Variants in IQGAP1 observed in about 807,000 individuals in gnomAD.
IQGAP1 encodes ras GTPase-activating-like protein IQGAP1.
A neutral mutation model predicts 215.6 loss-of-function variants in IQGAP1; 66 were observed. The observed-to-expected ratio is 0.31, with a 90% CI of 0.25 to 0.38. The LOEUF (loss-of-function observed/expected upper bound fraction) is 0.38. IQGAP1 is among the 10% of genes least tolerant of loss of function. The pLI, the probability that IQGAP1 is intolerant of heterozygous loss-of-function variation, is 1.00. For missense variants in IQGAP1, 1,712 were observed against 1,997.1 expected, an observed-to-expected ratio of 0.86 and a Z score of 2.72; for synonymous variants, 772 against 728.7, an observed-to-expected ratio of 1.06 and a Z score of -0.96.
intron 2 of IQGAP1, among the ~76,000 whole-genome samples, chr15:90,425,522 T>A (rs1965209600): frequency 6.6e-6 from 1 of 152,174 alleles, no homozygotes; most frequent in Non-Finnish European, 1.5e-5. Context: ...AGTTTTCTTT[T>A]CCTATCCTTT....
chr15:90,474,866 G>A (rs917719797), intron 23 of IQGAP1, 173 bp downstream of exon 23: 10 of 593,634 alleles, frequency 1.7e-5, no homozygotes, highest in Admixed American at 2.9e-5. Context: ...AGGTTGTAGT[G>A]CGATGTGATC....
chr15:90,430,574 A>G (rs1295111082), intron 4 of IQGAP1, among the ~76,000 whole-genome samples: 1 of 152,168 alleles, frequency 6.6e-6, no homozygotes, highest in African/African-American at 2.4e-5. Flanking sequence ...TAAGTGGGGA[A>G]AAACGGTTGA....
intron 1 of IQGAP1, 71 bp from the exon 2 acceptor site, chr15:90,390,703 T>C: frequency 9.6e-7 from 1 of 1,039,140 alleles, no homozygotes; most frequent in Non-Finnish European, 1.5e-6. Flanking sequence ...GGAAATTGAT[T>C]CTGTGGCAAT....
chr15:90,493,239 G>GAA (rs4031436), intron 35 of IQGAP1, among the ~76,000 whole-genome samples: 3,296 of 144,894 alleles, frequency 0.023, 96 homozygotes, highest in East Asian at 0.11. Context: ...CAAGACTCTG[G>GAA]AAAAAAAAAA....
chr15:90,439,202 C>A (rs1347994501), intron 5 of IQGAP1, 130 bp from the exon 6 acceptor site: 2 of 492,576 alleles, frequency 4.1e-6, no homozygotes, highest in Non-Finnish European at 7.3e-6. Context: ...ACAAAGGAGA[C>A]TGTCGTAGGT....
At chr15:90,418,495 G>C (rs1227932274) in intron 2 of IQGAP1, among the ~76,000 whole-genome samples, 8 of 152,040 alleles carry the variant, frequency 5.3e-5, no homozygotes, top group Non-Finnish European at 1.2e-4. Flanking sequence ...GGCTGAGGTG[G>C]GAGCATCACT....
At chr15:90,406,637 G>A (rs547049453) in intron 2 of IQGAP1, among the ~76,000 whole-genome samples, 6 of 152,310 alleles carry the variant, frequency 3.9e-5, no homozygotes, top group Admixed American at 6.5e-5. Flanking sequence ...CACTTTTAGG[G>A]CATGTTATTT....
At chr15:90,389,913 CCACTG>C (rs1416891956) in intron 1 of IQGAP1, among the ~76,000 whole-genome samples, 3 of 149,986 alleles carry the variant, frequency 2.0e-5, no homozygotes, top group Middle Eastern at 3.2e-3. Flanking sequence ...CATGATTGTG[CCACTG>C]CACTCGAGCC....
intron 2 of IQGAP1, among the ~76,000 whole-genome samples, chr15:90,403,413 T>A (rs1964831619): frequency 6.6e-6 from 1 of 152,226 alleles, no homozygotes; most frequent in African/African-American, 2.4e-5. Context: ...GGTCTTAATT[T>A]AAAATTTTTA....
intron 2 of IQGAP1, among the ~76,000 whole-genome samples, chr15:90,421,541 G>A (rs568486012): frequency 6.6e-6 from 1 of 152,032 alleles, no homozygotes; most frequent in African/African-American, 2.4e-5. Context: ...AGGAGTCTCT[G>A]TTGATTGAAA....
At position 90,453,115 on chromosome 15, in the gene IQGAP1, T is replaced by C; in HGVS notation, c.1327-17T>C. On this transcript the variant is annotated splice_polypyrimidine_tract_variant and intron_variant, in intron 12 of 37. Transcript: ENST00000268182. ...TGTCTTTCCTCACTGTTTTCCCTTC[T>C]GTCCCTTTCTGTACAGCATAATCTC... is the stretch of plus-strand genomic sequence containing the variant. The C allele has an allele frequency of 6.3e-7, 1 of 1,594,204 alleles. No individual in the cohort carries two copies.
At chr15:90,487,386 G>C (rs982969602) in intron 32 of IQGAP1, 109 bp from the exon 33 acceptor site, 6 of 790,402 alleles carry the variant, frequency 7.6e-6, no homozygotes, top group Non-Finnish European at 1.3e-5. Context: ...CTGCCGCTTG[G>C]GACTTCTGTG....
chr15:90,414,642 C>T (rs1485563142), intron 2 of IQGAP1, among the ~76,000 whole-genome samples: 1 of 152,166 alleles, frequency 6.6e-6, no homozygotes, highest in African/African-American at 2.4e-5. Flanking sequence ...TCTTTCACCT[C>T]TTAAGTGTTG....
chr15:90,467,721 T>G (rs1432870351), intron 18 of IQGAP1, 129 bp downstream of exon 18: 20 of 888,380 alleles, frequency 2.3e-5, no homozygotes, highest in Admixed American at 3.3e-5. Flanking sequence ...ATGAGCTGTT[T>G]TGCGGTAATT....
Position 90,456,219 on chromosome 15 carries a change from C to T in IQGAP1, c.1680C>T (p.Ala560=). The T allele has an allele frequency of 6.2e-7, 1 of 1,613,882 alleles. No individual in the cohort carries two copies. The highest frequency in any genetic ancestry group is 1.1e-5 in the South Asian group (1 of 91,076). ...DEGDAQKTLQ[A]LQIPAAKLEG... ...GTGATGCCCAAAAGACTCTGCAGGCCCTACAGATTCCTGCAGCTAAACTTG... is the reference window on the plus strand; with the variant it reads ...GTGATGCCCAAAAGACTCTGCAGGCTCTACAGATTCCTGCAGCTAAACTTG... The change falls in exon 15 of 38, where the codon GCC becomes GCT. Residue 560 remains alanine (A), a synonymous_variant. Transcript: ENST00000268182.
intron 5 of IQGAP1, among the ~76,000 whole-genome samples, chr15:90,436,870 C>T (rs1965377609): frequency 6.6e-6 from 1 of 152,216 alleles, no homozygotes; most frequent in African/African-American, 2.4e-5. Context: ...GTGCCCATGT[C>T]TACTTTTTAT....
rs559089414 is a variant in IQGAP1, at chr15:90,462,836, A to G, written c.1777-3165A>G. 4.6e-5 allele frequency among the ~76,000 whole-genome samples: 7 copies of G among 152,150 alleles called. No homozygotes were observed. In the East Asian group the frequency reaches 1.4e-3, roughly 29 times the overall value. ...CAATCAGCGTGTTTCTAAGTGTCAG[A>G]GTTGTTAGGGAGCTGTGCTTGAATA... On this transcript the variant is annotated intron_variant, in intron 15 of 37. Coordinates refer to ENST00000268182, the MANE Select transcript of IQGAP1 (RefSeq NM_003870.4).
At chr15:90,395,986 A>G (rs1041837240) in intron 2 of IQGAP1, among the ~76,000 whole-genome samples, 4 of 152,184 alleles carry the variant, frequency 2.6e-5, no homozygotes, top group East Asian at 3.9e-4. Flanking sequence ...CTCAAGGAAT[A>G]GGGCACACCC....
At chr15:90,429,889 A>C (rs1193735904) in intron 4 of IQGAP1, 1 of 347,786 alleles carries the variant, frequency 2.9e-6, no homozygotes. Context: ...CCCTGTGATG[A>C]TATCTACTTT....
Sources: gnomAD v4.1 joint callset for allele counts (sites outside exome capture counted in the v4.1 genomes callset) on GRCh38, gnomAD v4.1.1 for gene constraint, MANE v1.5 for transcripts, NCBI Gene and HGNC (gene_info 2026-07-23, HGNC 2026-07-21) for gene names.